The following SPG21 variants were observed in gnomAD, a reference collection of about 807,000 sequenced individuals.
The protein encoded by SPG21 is maspardin.
SPG21 carries 26 observed loss-of-function variants against 38.9 expected under a neutral mutation model. The ratio of observed to expected loss-of-function variants is 0.67; its 90% CI spans 0.49 to 0.93. The LOEUF (loss-of-function observed/expected upper bound fraction) is 0.93. Among genes scored for constraint, SPG21 ranks in the 40% least tolerant of loss-of-function variants. The pLI, the probability that SPG21 is intolerant of heterozygous loss-of-function variation, is 0.00. For missense variants in SPG21, 333 were observed against 376.5 expected (o/e 0.88, Z 0.96); for synonymous variants, 136 against 128.9 (o/e 1.05, Z -0.37).
chr15:64,981,020 A>G lies in SPG21; in HGVS notation c.69T>C (p.Ile23=), dbSNP rs1361911759. 1 of 1,614,088 alleles carries G rather than the reference A, an allele frequency of 6.2e-7. No homozygotes were observed. Among genetic ancestry groups the G allele is most frequent in the Admixed American group, 1.7e-5 (1 of 60,002 alleles). ...ATATCTTACTGTCATCATCATCCACAATAATCTGGAGGGAAGGTTAAAAGA... is the reference window on the plus strand; with the variant it reads ...ATATCTTACTGTCATCATCATCCACGATAATCTGGAGGGAAGGTTAAAAGA... ...FRGTVPLKKI[I]VDDDDSKIWS... Residue 23 remains isoleucine, a synonymous_variant, in exon 3 of 9, where the codon ATT becomes ATC. Coordinates refer to ENST00000204566, the MANE Select transcript of SPG21 (RefSeq NM_016630.7).
chr15:64,970,040 T>G (rs1165115691), intron 6 of SPG21, 74 bp downstream of exon 6: 2 of 1,179,260 alleles, frequency 1.7e-6, no homozygotes, highest in Non-Finnish European at 2.5e-6. Context: ...GTGAGACAGA[T>G]CTATCTTCTG....
Position 64,971,699 on chromosome 15 carries a change from G to A in SPG21, c.453-1477C>T, listed in dbSNP as rs192064610. Reference sequence around the variant, plus strand: ...AAAAATACAAAAATTAGCCAGGGGCGGTGGCCAGCGCCTGTAATCCCAGCT... The same window carrying A: ...AAAAATACAAAAATTAGCCAGGGGCAGTGGCCAGCGCCTGTAATCCCAGCT... On this transcript the variant is annotated intron_variant, in intron 5 of 8. Transcript: ENST00000204566. 9.0e-4 allele frequency among the ~76,000 whole-genome samples: 137 copies of A among 152,082 alleles called. 2 individuals carry two copies. The highest frequency in any genetic ancestry group is 3.2e-3 in the African/African-American group (132 of 41,448).
At position 64,965,514 on chromosome 15, in the gene SPG21, A is replaced by T. The variant is rs905835499; in HGVS notation, c.670-54T>A. 11 of 1,611,628 alleles carry T rather than the reference A, an allele frequency of 6.8e-6. No individual in the cohort carries two copies. In the African/African-American group the frequency reaches 1.5e-4, roughly 22 times the overall value. The stretch of plus-strand genomic sequence containing the variant: ...TAGGAAAGGTAAAACACACACACAC[A>T]TACAGAAAGCTGTAATCAACTAGTG... On this transcript the variant is annotated intron_variant, in intron 7 of 8. Transcript: ENST00000204566.
chr15:64,982,031 G>T (rs1422813425), intron 2 of SPG21, among the ~76,000 whole-genome samples: 1 of 152,114 alleles, frequency 6.6e-6, no homozygotes, highest in Non-Finnish European at 1.5e-5. Flanking sequence ...AAAGTCCAGA[G>T]AGGCCTAACA....
intron 7 of SPG21, among the ~76,000 whole-genome samples, chr15:64,967,303 G>A (rs545107805): frequency 1.7e-4 from 26 of 151,092 alleles, no homozygotes; most frequent in Non-Finnish European, 3.4e-4. Flanking sequence ...TTAAAAGCAG[G>A]AACTCAAACA....
chr15:64,983,158 T>G, intron 2 of SPG21: 1 of 277,994 alleles, frequency 3.6e-6, no homozygotes, highest in South Asian at 2.9e-5. Context: ...CTTGGCAGGT[T>G]GAGGCAGGAG....
intron 6 of SPG21, among the ~76,000 whole-genome samples, 182 bp downstream of exon 6, chr15:64,969,932 A>G (rs920351686): frequency 3.3e-5 from 5 of 152,344 alleles, no homozygotes; most frequent in African/African-American, 1.2e-4. Flanking sequence ...ATTTTGATGA[A>G]TAGCTGGTGG....
intron 3 of SPG21, among the ~76,000 whole-genome samples, chr15:64,978,410 T>C (rs915880394): frequency 2.0e-5 from 3 of 151,986 alleles, no homozygotes; most frequent in Non-Finnish European, 4.4e-5. Flanking sequence ...ATCATACTAC[T>C]GCACTCTAGC....
At position 64,965,341 on chromosome 15, in the gene SPG21, T is replaced by C. The variant is rs1362745274; in HGVS notation, c.789A>G (p.Ala263=). The C allele has an allele frequency of 1.2e-6, 2 of 1,614,106 alleles. No individual in the cohort carries two copies. Among genetic ancestry groups the C allele is most frequent in the Non-Finnish European group, 8.5e-7 (1 of 1,180,052 alleles). Residue 263 remains alanine (A), a synonymous_variant, in exon 8 of 9, where the codon GCA becomes GCG. Transcript: ENST00000204566. ...GGNFPYLCRS[A]EVNLYVQIHL... is the part of the protein sequence containing the mutation. ...TTACCTGTACATAAAGATTGACCTC[T>C]GCACTTCTGCACAGGTATGGGAAAT... is the stretch of plus-strand genomic sequence containing the variant.
chr15:64,977,119 G>T (rs1204818779), intron 3 of SPG21, among the ~76,000 whole-genome samples: 1 of 151,914 alleles, frequency 6.6e-6, no homozygotes, highest in Non-Finnish European at 1.5e-5. Flanking sequence ...AGGCTGGAGT[G>T]CAGCGGCGCG....
Position 64,980,858 on chromosome 15 carries a change from A to G in SPG21, c.225+6T>C. On this transcript the variant is annotated splice_donor_region_variant and intron_variant, in intron 3 of 8. Coordinates refer to ENST00000204566, the MANE Select transcript of SPG21 (RefSeq NM_016630.7). The stretch of plus-strand genomic sequence containing the variant: ...GTGGGTCTGAATTTTAATCAGTAAT[A>G]CTTACAGCGATAACCCGGTAACCCC... The G allele has an allele frequency of 6.2e-7, 1 of 1,613,982 alleles. No homozygotes were observed. Among genetic ancestry groups the G allele is most frequent in the Non-Finnish European group, 8.5e-7 (1 of 1,179,974 alleles).
chr15:64,986,916 A>G (rs991799542), intron 1 of SPG21, among the ~76,000 whole-genome samples: 1 of 152,160 alleles, frequency 6.6e-6, no homozygotes, highest in African/African-American at 2.4e-5. Flanking sequence ...ATTAGAAACA[A>G]TCTATTCTAA....
At chr15:64,965,281 T>C (rs773223632) in intron 8 of SPG21, 39 bp downstream of exon 8, 2 of 1,614,106 alleles carry the variant, frequency 1.2e-6, no homozygotes, top group Non-Finnish European at 8.5e-7. Context: ...CAAACATATG[T>C]TGGGCTCAGA....
At chr15:64,985,658 C>T (rs2085977021) in intron 1 of SPG21, among the ~76,000 whole-genome samples, 1 of 152,210 alleles carries the variant, frequency 6.6e-6, no homozygotes, top group African/African-American at 2.4e-5. Flanking sequence ...ATTCGTGAGA[C>T]CTAACTCCCG....
intron 3 of SPG21, among the ~76,000 whole-genome samples, chr15:64,980,579 A>G (rs951439984): frequency 1.3e-5 from 2 of 152,128 alleles, no homozygotes; most frequent in East Asian, 1.9e-4. Context: ...TCTACTAAAA[A>G]TACAAAAAAT....
At chr15:64,986,680 AAAAAC>A (rs5813336) in intron 1 of SPG21, among the ~76,000 whole-genome samples, 55,142 of 148,628 alleles carry the variant, frequency 0.37, 10,534 homozygotes, top group South Asian at 0.48. Context: ...AGTCTGTCTC[AAAAAC>A]AAAACAAAAC....
At chr15:64,970,592 A>C (rs778045938) in intron 5 of SPG21, among the ~76,000 whole-genome samples, 7 of 152,060 alleles carry the variant, frequency 4.6e-5, no homozygotes, top group Non-Finnish European at 7.4e-5. Flanking sequence ...CTTCTGGTTG[A>C]TATTATGTTT....
At chr15:64,974,173 A>C (rs1566927476) in intron 5 of SPG21, among the ~76,000 whole-genome samples, 1 of 152,220 alleles carries the variant, frequency 6.6e-6, no homozygotes, top group Non-Finnish European at 1.5e-5. Flanking sequence ...CTAATTTTAA[A>C]AGCCAAGAAA....
chr15:64,986,695 CAAAACA>C (rs1353809534), intron 1 of SPG21, among the ~76,000 whole-genome samples: 2 of 150,220 alleles, frequency 1.3e-5, no homozygotes, highest in African/African-American at 4.9e-5. Context: ...CAAAACAAAA[CAAAACA>C]AAACAAAACA....
Sources: allele counts gnomAD v4.1 joint callset (sites outside exome capture counted in the v4.1 genomes callset), GRCh38; gene constraint gnomAD v4.1.1; transcripts MANE v1.5; gene names NCBI Gene and HGNC (gene_info 2026-07-23, HGNC 2026-07-21).